Variants in METTL8 observed in about 807,000 individuals in gnomAD.
METTL8 encodes the protein methyltransferase 8, tRNA N3-cytidine.
METTL8 carries 32 observed loss-of-function variants against 48.7 expected under a neutral mutation model. The observed-to-expected ratio is 0.66, with a 90% CI of 0.50 to 0.88. The LOEUF (loss-of-function observed/expected upper bound fraction) is 0.88. Ranked by LOEUF, METTL8 falls within the 40% of genes least tolerant of loss-of-function variation. The probability of loss-of-function intolerance (pLI) is 0.00; values close to 1 mark genes in which losing one functional copy is unlikely to be tolerated. For missense variants in METTL8, 464 were observed against 474.4 expected, an observed-to-expected ratio of 0.98 and a Z score of 0.20; for synonymous variants, 136 against 157.1, an observed-to-expected ratio of 0.87 and a Z score of 1.01.
Position 171,339,302 on chromosome 2 carries a change from G to C in METTL8, c.488C>G (p.Ser163Ter). The C allele has an allele frequency of 6.2e-7, 1 of 1,613,004 alleles. No individual in the cohort carries two copies. The highest frequency in any genetic ancestry group is 8.5e-7 in the Non-Finnish European group (1 of 1,179,372). Residue 163 changes from serine to a stop codon, truncating the protein, a stop_gained, in exon 4 of 10, where the codon TCA becomes TGA. Coordinates refer to ENST00000375258, the MANE Select transcript of METTL8 (RefSeq NM_001321154.2). LOFTEE classifies it high-confidence loss of function. ...KNHYEKSSGS[S>*]EGQSKTESDF... ...AGATTCTGTTTTGCTTTGACCTTCT[G>C]AAGAACCAGAACTTTTCTCATAATG...
At chr2:171,347,669 C>A (rs1683418359) in intron 3 of METTL8, among the ~76,000 whole-genome samples, 2 of 152,148 alleles carry the variant, frequency 1.3e-5, no homozygotes, top group African/African-American at 2.4e-5. Context: ...CAGGTGGCCA[C>A]CAGCAGAAGC....
At chr2:171,419,486 A>T (rs2105650421) in intron 1 of METTL8, among the ~76,000 whole-genome samples, 1 of 152,258 alleles carries the variant, frequency 6.6e-6, no homozygotes, top group African/African-American at 2.4e-5. Context: ...ATCACCATCC[A>T]GTTAATAATT....
At chr2:171,402,971 C>G (rs1267868685) in intron 1 of METTL8, among the ~76,000 whole-genome samples, 1 of 152,012 alleles carries the variant, frequency 6.6e-6, no homozygotes, top group Non-Finnish European at 1.5e-5. Context: ...TGGATTACAA[C>G]CCAAAGTATA....
At chr2:171,381,607 T>G (rs1687544236) in intron 2 of METTL8, among the ~76,000 whole-genome samples, 1 of 151,998 alleles carries the variant, frequency 6.6e-6, no homozygotes, top group African/African-American at 2.4e-5. Flanking sequence ...CAGACACTTC[T>G]CAAAAGAAGA....
chr2:171,329,179 C>T (rs1249589795), intron 7 of METTL8, among the ~76,000 whole-genome samples: 5 of 140,552 alleles, frequency 3.6e-5, no homozygotes, highest in African/African-American at 1.3e-4. Flanking sequence ...ACAGTAGAAA[C>T]GAGGTTTCAC....
intron 2 of METTL8, among the ~76,000 whole-genome samples, chr2:171,387,935 T>G (rs538359464): frequency 1.3e-5 from 2 of 152,330 alleles, no homozygotes; most frequent in Middle Eastern, 6.8e-3. Context: ...TCTGCAGATA[T>G]CATGCCCAAC....
intron 3 of METTL8, among the ~76,000 whole-genome samples, chr2:171,350,647 T>C (rs1314565790): frequency 9.2e-5 from 14 of 152,208 alleles, no homozygotes; most frequent in Non-Finnish European, 1.3e-4. Flanking sequence ...TTTTTAATGA[T>C]TGCCATTCTA....
intron 2 of METTL8, among the ~76,000 whole-genome samples, chr2:171,388,879 G>C (rs1164261613): frequency 6.6e-6 from 1 of 152,092 alleles, no homozygotes; most frequent in African/African-American, 2.4e-5. Flanking sequence ...AATTGTTTTA[G>C]AGTACCATGA....
chr2:171,382,087 T>C (rs1329041512), intron 2 of METTL8, among the ~76,000 whole-genome samples: 1 of 152,000 alleles, frequency 6.6e-6, no homozygotes, highest in African/African-American at 2.4e-5. Context: ...CAGCCAGGAA[T>C]GCTTTTACAC....
At chr2:171,422,078 C>A (rs1227831188) in intron 1 of METTL8, among the ~76,000 whole-genome samples, 4 of 152,178 alleles carry the variant, frequency 2.6e-5, no homozygotes, top group Non-Finnish European at 5.9e-5. Context: ...CCTACCAGCT[C>A]TCAAGCCTTA....
Position 171,330,544 on chromosome 2 carries a change from T to C in METTL8, c.860+15A>G, listed in dbSNP as rs371582673. On this transcript the variant is annotated intron_variant, in intron 7 of 9. Coordinates refer to ENST00000375258, the MANE Select transcript of METTL8 (RefSeq NM_001321154.2). ...GAGCTTTACACATCCACTTTGCCCT[T>C]TCGTCTTCATTTACCTGTCAGGATG... is the stretch of plus-strand genomic sequence containing the variant. The C allele has an allele frequency of 1.9e-6, 3 of 1,610,414 alleles. No individual in the cohort carries two copies. The highest frequency in any genetic ancestry group is 2.7e-5 in the African/African-American group (2 of 74,748).
chr2:171,331,148 G>A (rs1441486289), intron 6 of METTL8, among the ~76,000 whole-genome samples: 1 of 152,106 alleles, frequency 6.6e-6, no homozygotes, highest in Non-Finnish European at 1.5e-5. Flanking sequence ...GTCTTGCTCT[G>A]TCACCAGCAT....
At chr2:171,325,592 C>T (rs1215126766) in intron 9 of METTL8, among the ~76,000 whole-genome samples, 3 of 152,178 alleles carry the variant, frequency 2.0e-5, no homozygotes, top group Non-Finnish European at 4.4e-5. Flanking sequence ...AATGGAACAG[C>T]CTTCACCTTC....
intron 2 of METTL8, among the ~76,000 whole-genome samples, chr2:171,378,397 G>T (rs1687182617): frequency 6.6e-6 from 1 of 152,176 alleles, no homozygotes; most frequent in South Asian, 2.1e-4. Context: ...ACTTTGGGAG[G>T]CTGAGGTGGG....
At chr2:171,356,447 C>T (rs1684549001) in intron 3 of METTL8, among the ~76,000 whole-genome samples, 1 of 152,132 alleles carries the variant, frequency 6.6e-6, no homozygotes, top group Non-Finnish European at 1.5e-5. Context: ...CCTCTTCTAG[C>T]TATTTTGAAA....
intron 3 of METTL8, among the ~76,000 whole-genome samples, chr2:171,340,503 A>AC (rs1402699681): frequency 6.7e-6 from 1 of 150,220 alleles, no homozygotes; most frequent in African/African-American, 2.4e-5. Flanking sequence ...TGTCTCAAAA[A>AC]AAAAAAAAAA....
intron 3 of METTL8, among the ~76,000 whole-genome samples, chr2:171,339,905 T>G (rs190052331): frequency 1.3e-5 from 2 of 152,256 alleles, no homozygotes; most frequent in Non-Finnish European, 1.5e-5. Flanking sequence ...TTTTTTATTA[T>G]CTTAAAGAAA....
intron 3 of METTL8, among the ~76,000 whole-genome samples, chr2:171,340,021 AC>A (rs1438914174): frequency 6.6e-6 from 1 of 151,738 alleles, no homozygotes; most frequent in Non-Finnish European, 1.5e-5. Context: ...ACATAGTGAA[AC>A]CCCATCTCTA....
chr2:171,385,481 C>T lies in METTL8; in HGVS notation c.143+6562G>A, dbSNP rs528004008. Among the ~76,000 whole-genome samples, 16 of 152,298 alleles carry T rather than the reference C, an allele frequency of 1.1e-4. No individual in the cohort carries two copies. In the South Asian group the frequency reaches 2.7e-3, roughly 26 times the overall value. ...CAAACCAGGTTTCGTTTAATTTACACATCTTCTCCTTAAGAAGAAAAAAAT... is the reference window on the plus strand; with the variant it reads ...CAAACCAGGTTTCGTTTAATTTACATATCTTCTCCTTAAGAAGAAAAAAAT... On this transcript the variant is annotated intron_variant, in intron 2 of 9. Transcript: ENST00000375258.
Sources: allele counts gnomAD v4.1 joint callset (sites outside exome capture counted in the v4.1 genomes callset), GRCh38; gene constraint gnomAD v4.1.1; transcripts MANE v1.5; gene names NCBI Gene and HGNC (gene_info 2026-07-23, HGNC 2026-07-21).